RBM19: variants seen among roughly 807,000 people sequenced by gnomAD.
RBM19 encodes probable RNA-binding protein 19.
In RBM19, 94 loss-of-function variants were observed where a neutral mutation model predicts 116.8. The observed-to-expected ratio is 0.80, with a 90% CI of 0.68 to 0.95. RBM19 has a LOEUF of 0.95. Ranked by LOEUF, RBM19 falls within the 40% of genes least tolerant of loss-of-function variation. The pLI, the probability that RBM19 is intolerant of heterozygous loss-of-function variation, is 0.00. For missense variants in RBM19, 1,161 were observed against 1,220.7 expected, an observed-to-expected ratio of 0.95 and a Z score of 0.73; for synonymous variants, 475 against 494.1, an observed-to-expected ratio of 0.96 and a Z score of 0.51.
chr12:113,963,414 C>T (rs986679878), intron 1 of RBM19, among the ~76,000 whole-genome samples: 1 of 152,108 alleles, frequency 6.6e-6, no homozygotes, highest in Admixed American at 6.5e-5. Context: ...ACATTCAGGG[C>T]CCCACGAACA....
chr12:113,930,310 C>T (rs1259592319), intron 16 of RBM19, among the ~76,000 whole-genome samples: 4 of 152,212 alleles, frequency 2.6e-5, no homozygotes, highest in Admixed American at 2.6e-4. Context: ...CCGGGGAGCC[C>T]AGAACCCCTC....
intron 8 of RBM19, among the ~76,000 whole-genome samples, chr12:113,951,218 C>T (rs1871435149): frequency 6.6e-6 from 1 of 152,168 alleles, no homozygotes; most frequent in South Asian, 2.1e-4. Context: ...CAGCCTGCCT[C>T]CTCCCCAGCT....
At chr12:113,928,362 C>T (rs1869298661) in intron 16 of RBM19, among the ~76,000 whole-genome samples, 1 of 150,670 alleles carries the variant, frequency 6.6e-6, no homozygotes, top group Non-Finnish European at 1.5e-5. Context: ...CAAACAACAA[C>T]AACAACAACA....
intron 21 of RBM19, among the ~76,000 whole-genome samples, chr12:113,894,797 CA>C (rs577072962): frequency 2.6e-5 from 4 of 152,304 alleles, no homozygotes; most frequent in African/African-American, 9.6e-5. Context: ...GAGCAGAGTC[CA>C]AGCACTGGCT....
In RBM19 at chr12:113,893,910, A is replaced by G. The variant is rs184316273; in HGVS notation, c.2558+21059T>C. Among the ~76,000 whole-genome samples the G allele has an allele frequency of 1.3e-3, 197 of 152,336 alleles. 1 individual carries two copies. Among genetic ancestry groups the G allele is most frequent in the Non-Finnish European group, 2.1e-3 (141 of 68,032 alleles). ...GTACTGGACAGCGTAGATGGAGAGTATCTTTATTGCGGCAGAAAGTTCTAA... is the reference window on the plus strand; with the variant it reads ...GTACTGGACAGCGTAGATGGAGAGTGTCTTTATTGCGGCAGAAAGTTCTAA... On this transcript the variant is annotated intron_variant, in intron 21 of 23. Coordinates refer to ENST00000261741, the MANE Select transcript of RBM19 (RefSeq NM_016196.4).
chr12:113,874,617 C>T (rs1420537113), intron 21 of RBM19, among the ~76,000 whole-genome samples: 1 of 152,252 alleles, frequency 6.6e-6, no homozygotes, highest in Non-Finnish European at 1.5e-5. Flanking sequence ...AGCCCTTGAA[C>T]TCAGTCCTTA....
intron 22 of RBM19, among the ~76,000 whole-genome samples, chr12:113,854,752 G>A (rs540654739): frequency 6.6e-6 from 1 of 152,258 alleles, no homozygotes; most frequent in South Asian, 2.1e-4. Flanking sequence ...GTAACAGACC[G>A]GGGTCTGGGC....
chr12:113,906,625 G>A (rs1375333133), intron 21 of RBM19, among the ~76,000 whole-genome samples: 1 of 152,024 alleles, frequency 6.6e-6, no homozygotes, highest in Admixed American at 6.6e-5. Context: ...GCAATCACAC[G>A]GGGCAAGGCT....
chr12:113,836,823 C>T (rs1565964431), intron 23 of RBM19, among the ~76,000 whole-genome samples: 1 of 138,972 alleles, frequency 7.2e-6, no homozygotes, highest in Non-Finnish European at 1.6e-5. Context: ...TTACTACATA[C>T]ATACACACAC....
chr12:113,908,955 T>G (rs546925148), intron 21 of RBM19, among the ~76,000 whole-genome samples: 1 of 152,230 alleles, frequency 6.6e-6, no homozygotes, highest in Non-Finnish European at 1.5e-5. Flanking sequence ...ATTCGGGGGT[T>G]GGGGGTCAGT....
In RBM19 at chr12:113,872,455, C is replaced by T. The variant is rs1483370603; in HGVS notation, c.2559-13559G>A. Among the ~76,000 whole-genome samples, 207 of 143,432 alleles carry T rather than the reference C, an allele frequency of 1.4e-3. 2 individuals carry two copies. Among genetic ancestry groups the T allele is most frequent in the African/African-American group, 4.6e-3 (180 of 39,554 alleles). The allele number at this position is 143,432 out of a possible 152,430, so 94.1% of individuals were successfully genotyped here. A position where few individuals can be genotyped will look rare whatever the true frequency, so the allele number is the denominator to read the frequency against. ...CTGGGAGGTGAGGGGCGCCTCTGCT[C>T]GGCCGCCCCTACTGGGAGGTGGGGA... On this transcript the variant is annotated intron_variant, in intron 21 of 23. Coordinates refer to ENST00000261741, the MANE Select transcript of RBM19 (RefSeq NM_016196.4).
At chr12:113,842,366 G>A (rs1379628703) in intron 23 of RBM19, among the ~76,000 whole-genome samples, 3 of 152,252 alleles carry the variant, frequency 2.0e-5, no homozygotes, top group Admixed American at 1.3e-4. Context: ...ATTTGCCGAC[G>A]GGCGCATTTG....
chr12:113,927,254 A>C, intron 16 of RBM19, 25 bp from the exon 17 acceptor site: 6 of 1,538,552 alleles, frequency 3.9e-6, no homozygotes, highest in Non-Finnish European at 5.2e-6. Flanking sequence ...AAACAAAAAC[A>C]AAAACAAAAA....
At chr12:113,820,572 A>G (rs983927357), downstream of RBM19, among the ~76,000 whole-genome samples, 1 of 152,124 alleles carries the variant, frequency 6.6e-6, no homozygotes, top group African/African-American at 2.4e-5. Flanking sequence ...GCAGACTGAC[A>G]TGATCCAGCT....
At chr12:113,949,392 C>G (rs1372458051) in intron 9 of RBM19, among the ~76,000 whole-genome samples, 1 of 152,194 alleles carries the variant, frequency 6.6e-6, no homozygotes, top group Non-Finnish European at 1.5e-5. Context: ...GGGTACTTAC[C>G]TGCTGATGAT....
At position 113,959,285 on chromosome 12, in the gene RBM19, G is replaced by A. The variant is rs1191486408; in HGVS notation, c.498C>T (p.Ala166=). Residue 166 remains alanine, a synonymous_variant, in exon 5 of 24, where the codon GCC becomes GCT. Coordinates refer to ENST00000261741, the MANE Select transcript of RBM19 (RefSeq NM_016196.4). ...CGGAGTCGAAGTTCAGGTAGTCACT[G>A]GCCGGCTTGCTCTTCCCTTTCGAGG... is the stretch of plus-strand genomic sequence containing the variant. ...AEPSKGKSKP[A]SDYLNFDSDS... 1 of 1,614,000 alleles carries A rather than the reference G, an allele frequency of 6.2e-7. No individual in the cohort carries two copies. The highest frequency in any genetic ancestry group is 1.1e-5 in the South Asian group (1 of 91,062).
intron 22 of RBM19, among the ~76,000 whole-genome samples, chr12:113,850,270 G>A (rs994566069): frequency 3.3e-5 from 5 of 152,136 alleles, no homozygotes; most frequent in Admixed American, 1.3e-4. Flanking sequence ...GGGGTGTCTC[G>A]CATGCCTTGG....
chr12:113,856,320 T>C (rs933682465), intron 22 of RBM19, among the ~76,000 whole-genome samples: 1 of 152,224 alleles, frequency 6.6e-6, no homozygotes, highest in African/African-American at 2.4e-5. Flanking sequence ...ACCTGGGCAC[T>C]TGGTGAACTT....
chr12:113,863,679 A>G (rs10850229), intron 21 of RBM19, among the ~76,000 whole-genome samples: 26,662 of 152,142 alleles, frequency 0.18, 3,018 homozygotes, highest in East Asian at 0.47. Context: ...CCCCACCTGC[A>G]CCCAAGGCAT....
Sources: allele counts gnomAD v4.1 joint callset (sites outside exome capture counted in the v4.1 genomes callset), GRCh38; gene constraint gnomAD v4.1.1; transcripts MANE v1.5; gene names NCBI Gene and HGNC (gene_info 2026-07-23, HGNC 2026-07-21).